Variants in RGS6 observed in about 807,000 individuals in gnomAD.
The protein encoded by RGS6 is regulator of G protein signaling 6.
In RGS6, 30 loss-of-function variants were observed where a neutral mutation model predicts 78.5. That is an observed-to-expected ratio of 0.38 (90% confidence interval 0.29 to 0.52). The LOEUF (loss-of-function observed/expected upper bound fraction) is 0.52. RGS6 is among the 20% of genes least tolerant of loss of function. The pLI is 0.85. For missense variants in RGS6, 495 were observed against 609.7 expected (o/e 0.81, Z 1.98); for synonymous variants, 206 against 206.0 (o/e 1.00, Z 0.00).
At chr14:71,990,445 G>A (rs1407852180) in intron 2 of RGS6, 3 of 365,234 alleles carry the variant, frequency 8.2e-6, no homozygotes, top group Admixed American at 7.2e-5. Flanking sequence ...CATCTTCCAA[G>A]GTTTGTGTCC....
intron 2 of RGS6, among the ~76,000 whole-genome samples, chr14:72,216,806 G>A (rs2045678596): frequency 6.6e-6 from 1 of 152,028 alleles, no homozygotes; most frequent in South Asian, 2.1e-4. Context: ...TTTCCCCTAT[G>A]CCTTTGATGA....
At chr14:72,600,898 C>T in the RGS6 span, among the ~76,000 whole-genome samples, 2 of 152,082 alleles carry the variant, frequency 1.3e-5, no homozygotes, top group African/African-American at 4.8e-5. Flanking sequence ...TCCCACTTGA[C>T]TGTAGCCCTC....
intron 2 of RGS6, among the ~76,000 whole-genome samples, chr14:72,296,904 T>C (rs1030425046): frequency 1.3e-5 from 2 of 152,216 alleles, no homozygotes; most frequent in African/African-American, 2.4e-5. Flanking sequence ...ATTTATACTT[T>C]TAAGTTATAC....
chr14:72,057,997 G>A (rs2093701767), intron 2 of RGS6, among the ~76,000 whole-genome samples: 1 of 151,902 alleles, frequency 6.6e-6, no homozygotes, highest in Non-Finnish European at 1.5e-5. Flanking sequence ...CTGAGTGACT[G>A]CCACTAAACC....
the RGS6 span, among the ~76,000 whole-genome samples, chr14:72,613,527 T>A: frequency 6.6e-6 from 1 of 152,160 alleles, no homozygotes; most frequent in Non-Finnish European, 1.5e-5. Context: ...ACCTGCCCTA[T>A]GACCTGAGGT....
At chr14:72,404,497 C>T (rs1485876253) in intron 3 of RGS6, among the ~76,000 whole-genome samples, 1 of 152,214 alleles carries the variant, frequency 6.6e-6, no homozygotes, top group Non-Finnish European at 1.5e-5. Context: ...TTCTCTGCTG[C>T]CAACCATTAT....
chr14:72,053,839 G>A (rs1316403113), intron 2 of RGS6, among the ~76,000 whole-genome samples: 3 of 152,122 alleles, frequency 2.0e-5, no homozygotes, highest in Non-Finnish European at 4.4e-5. Context: ...TCCTGTATCT[G>A]GCTGCCACCT....
chr14:72,208,201 A>G (rs74698894), intron 2 of RGS6, among the ~76,000 whole-genome samples: 2 of 152,204 alleles, frequency 1.3e-5, no homozygotes, highest in East Asian at 1.9e-4. Flanking sequence ...GAAACTCTCT[A>G]TCTCTAGGCA....
Position 72,044,898 on chromosome 14 carries a change from A to G in RGS6, c.84+80023A>G, listed in dbSNP as rs147813265. Among the ~76,000 whole-genome samples the G allele has an allele frequency of 6.8e-3, 1,040 of 152,188 alleles. 18 individuals are homozygous for G. The highest frequency in any genetic ancestry group is 0.024 in the African/African-American group (989 of 41,538). ...AAAAAACAAAAAAAACCAAACTAAC[A>G]AAAAAACCCAAAAAACTCCAGGTTC... On this transcript the variant is annotated intron_variant, in intron 2 of 17. Transcript: ENST00000553525.
chr14:72,393,661 T>C (rs1370397774), intron 3 of RGS6, among the ~76,000 whole-genome samples: 13 of 152,190 alleles, frequency 8.5e-5, no homozygotes, highest in Admixed American at 8.5e-4. Context: ...TACTCTACTG[T>C]GTTCCAAGAA....
At chr14:72,521,788 C>G (rs2097046443) in intron 15 of RGS6, among the ~76,000 whole-genome samples, 1 of 152,110 alleles carries the variant, frequency 6.6e-6, no homozygotes, top group Admixed American at 6.6e-5. Context: ...ATCTGTAGAA[C>G]AGGGATACAA....
intron 17 of RGS6, among the ~76,000 whole-genome samples, chr14:72,551,671 C>T (rs532271202): frequency 6.6e-6 from 1 of 152,322 alleles, no homozygotes; most frequent in East Asian, 1.9e-4. Context: ...TATTATGTGA[C>T]CCTGGGCAAG....
chr14:72,629,583 C>T, the RGS6 span: 3 of 1,506,234 alleles, frequency 2.0e-6, no homozygotes, highest in Non-Finnish European at 2.7e-6. Flanking sequence ...GACCCCAGCT[C>T]TGTGGATTTC....
chr14:71,871,649 G>T, the RGS6 span, among the ~76,000 whole-genome samples: 1 of 152,066 alleles, frequency 6.6e-6, no homozygotes, highest in African/African-American at 2.4e-5. Context: ...TGCAAGCCCA[G>T]TGCCTTGAGG....
At chr14:72,082,246 G>A (rs538514081) in intron 2 of RGS6, among the ~76,000 whole-genome samples, 2 of 152,176 alleles carry the variant, frequency 1.3e-5, no homozygotes, top group South Asian at 2.1e-4. Flanking sequence ...GGGTAGTATG[G>A]ACATTTTGAC....
intron 2 of RGS6, among the ~76,000 whole-genome samples, chr14:72,260,888 G>A (rs1367419449): frequency 3.3e-5 from 5 of 152,192 alleles, no homozygotes; most frequent in African/African-American, 1.2e-4. Flanking sequence ...CCACCATTTG[G>A]CAGAGAAAGA....
chr14:72,555,075 G>A (rs2097552840), intron 17 of RGS6, among the ~76,000 whole-genome samples: 1 of 152,220 alleles, frequency 6.6e-6, no homozygotes, highest in African/African-American at 2.4e-5. Context: ...ACCTGGCTGG[G>A]CACCCCGAAT....
intron 2 of RGS6, among the ~76,000 whole-genome samples, chr14:72,032,460 T>C (rs2091047805): frequency 6.6e-6 from 1 of 152,206 alleles, no homozygotes. Context: ...GTTTTTGTTA[T>C]TGTGATAAAA....
At chr14:72,261,229 G>T (rs2058095504) in intron 2 of RGS6, among the ~76,000 whole-genome samples, 1 of 152,130 alleles carries the variant, frequency 6.6e-6, no homozygotes, top group African/African-American at 2.4e-5. Flanking sequence ...AAAACAGCAC[G>T]ACCTGATGTA....
Sources: allele counts gnomAD v4.1 joint callset (sites outside exome capture counted in the v4.1 genomes callset), GRCh38; gene constraint gnomAD v4.1.1; transcripts MANE v1.5; gene names NCBI Gene and HGNC (gene_info 2026-07-23, HGNC 2026-07-21).